The following RBFOX1 variants were observed in gnomAD, a reference collection of about 807,000 sequenced individuals.
RBFOX1 encodes RNA binding fox-1 homolog 1, also known as RNA binding protein fox-1 homolog 1.
RBFOX1 carries 8 observed loss-of-function variants against 57.7 expected under a neutral mutation model. The observed-to-expected ratio is 0.14, with a 90% CI of 0.08 to 0.25. The LOEUF is 0.25. Ranked by LOEUF, RBFOX1 falls within the 10% of genes least tolerant of loss-of-function variation. The pLI is 1.00. For missense variants in RBFOX1, 611 were observed against 548.5 expected (o/e 1.11, Z -1.14); for synonymous variants, 326 against 222.4 (o/e 1.47, Z -4.15).
At chr16:5,479,309 A>G (rs1200188983) in intron 2 of RBFOX1, among the ~76,000 whole-genome samples, 3 of 152,324 alleles carry the variant, frequency 2.0e-5, no homozygotes, top group South Asian at 4.1e-4. Flanking sequence ...TGTCCCTAGA[A>G]CAAGGACTGT....
intron 3 of RBFOX1, among the ~76,000 whole-genome samples, chr16:5,798,880 C>T (rs911055542): frequency 1.5e-4 from 23 of 151,914 alleles, no homozygotes; most frequent in African/African-American, 5.6e-4. Flanking sequence ...CTCAGAGGTA[C>T]GGACTACTTG....
chr16:7,676,042 C>G (rs773967439), intron 13 of RBFOX1, among the ~76,000 whole-genome samples: 16 of 152,218 alleles, frequency 1.1e-4, no homozygotes, highest in Non-Finnish European at 2.4e-4. Context: ...GTACATACAA[C>G]TAAATGTTAA....
intron 3 of RBFOX1, among the ~76,000 whole-genome samples, chr16:5,665,376 A>G (rs1050301461): frequency 3.3e-5 from 5 of 151,260 alleles, no homozygotes; most frequent in Non-Finnish European, 7.4e-5. Flanking sequence ...ATCCTATCTT[A>G]TGGGCCTTCT....
At chr16:6,554,107 T>C (rs1319204250) in intron 2 of RBFOX1, among the ~76,000 whole-genome samples, 2 of 152,216 alleles carry the variant, frequency 1.3e-5, no homozygotes, top group East Asian at 1.9e-4. Context: ...AAAATGAAAA[T>C]AACAAAGTGT....
chr16:6,040,822 G>C (rs2095428855), intron 1 of RBFOX1, among the ~76,000 whole-genome samples: 1 of 152,008 alleles, frequency 6.6e-6, no homozygotes, highest in South Asian at 2.1e-4. Context: ...TCAAACTCCT[G>C]ACCTCAATTG....
intron 4 of RBFOX1, among the ~76,000 whole-genome samples, chr16:7,475,915 G>T (rs1439545012): frequency 6.6e-6 from 1 of 152,130 alleles, no homozygotes; most frequent in Non-Finnish European, 1.5e-5. Flanking sequence ...ATCATGTCTG[G>T]CAGTGTAGTA....
intron 3 of RBFOX1, among the ~76,000 whole-genome samples, chr16:6,692,555 T>G (rs142895717): frequency 6.6e-6 from 1 of 152,148 alleles, no homozygotes; most frequent in East Asian, 1.9e-4. Flanking sequence ...TCCACTTAAG[T>G]TGTTGATTCA....
chr16:6,637,061 T>A (rs1261652807), intron 2 of RBFOX1, among the ~76,000 whole-genome samples: 5 of 100,962 alleles, frequency 5.0e-5, no homozygotes, highest in Non-Finnish European at 7.2e-5. Context: ...CATATTTATA[T>A]GTATAAATAT....
At chr16:6,866,146 T>C (rs888516421) in intron 3 of RBFOX1, among the ~76,000 whole-genome samples, 6 of 152,170 alleles carry the variant, frequency 3.9e-5, no homozygotes, top group African/African-American at 9.7e-5. Context: ...CTATCTAATA[T>C]GCATTTTTCT....
At chr16:6,595,290 C>T (rs2097766330) in intron 2 of RBFOX1, among the ~76,000 whole-genome samples, 1 of 152,196 alleles carries the variant, frequency 6.6e-6, no homozygotes, top group Admixed American at 6.5e-5. Flanking sequence ...CTGGGTATGT[C>T]ATGTAAATTG....
intron 1 of RBFOX1, among the ~76,000 whole-genome samples, chr16:6,244,231 C>G (rs1226633917): frequency 6.6e-6 from 1 of 151,956 alleles, no homozygotes; most frequent in Non-Finnish European, 1.5e-5. Flanking sequence ...TTATATCCCT[C>G]CTTCCAGCAA....
intron 14 of RBFOX1, among the ~76,000 whole-genome samples, chr16:7,701,748 G>T (rs2080809901): frequency 6.6e-6 from 1 of 152,106 alleles, no homozygotes; most frequent in African/African-American, 2.4e-5. Context: ...AGTAACCACA[G>T]AGGAGTATTT....
chr16:5,811,143 A>ATTTTTT (rs374827330), intron 3 of RBFOX1, among the ~76,000 whole-genome samples: 21 of 104,564 alleles, frequency 2.0e-4, no homozygotes, highest in African/African-American at 4.3e-4. Flanking sequence ...TATGGAACAA[A>ATTTTTT]TTTTTTTTTT....
At chr16:6,842,979 T>A (rs1199450913) in intron 3 of RBFOX1, among the ~76,000 whole-genome samples, 1 of 152,176 alleles carries the variant, frequency 6.6e-6, no homozygotes, top group Admixed American at 6.5e-5. Flanking sequence ...GGTTCATCCA[T>A]GTCCTTGCAA....
chr16:5,364,723 T>G (rs1204408750), intron 1 of RBFOX1, among the ~76,000 whole-genome samples: 4 of 152,190 alleles, frequency 2.6e-5, no homozygotes, highest in Non-Finnish European at 4.4e-5. Flanking sequence ...AAACAGTGAA[T>G]AGAACAAAGG....
rs1462166758 is a variant in RBFOX1, at chr16:6,594,212, A to G, written c.-63-60391A>G. 2.6e-5 allele frequency among the ~76,000 whole-genome samples: 4 copies of G among 152,186 alleles called. No individual in the cohort carries two copies. The East Asian group carries it at 7.7e-4, about 29-fold the overall frequency. On this transcript the variant is annotated intron_variant, in intron 2 of 15. Transcript: ENST00000550418. ...GTGAAGTGCCCAGGAAGGTGCTTCC[A>G]GCAAATAATGCTGAATGTTGGTGAC...
chr16:6,696,121 A>G (rs535335332), intron 3 of RBFOX1, among the ~76,000 whole-genome samples: 3 of 152,346 alleles, frequency 2.0e-5, no homozygotes, highest in East Asian at 3.9e-4. Context: ...GGAGCTCATT[A>G]CTAAATGGAT....
At chr16:6,882,555 C>T (rs901799867) in intron 3 of RBFOX1, among the ~76,000 whole-genome samples, 2 of 152,012 alleles carry the variant, frequency 1.3e-5, no homozygotes, top group African/African-American at 4.8e-5. Context: ...GAGATCGCAC[C>T]ACTGCACTGC....
chr16:5,790,755 C>A (rs906457312), intron 3 of RBFOX1, among the ~76,000 whole-genome samples: 7 of 152,142 alleles, frequency 4.6e-5, no homozygotes, highest in African/African-American at 1.7e-4. Flanking sequence ...GCGTGCTCTG[C>A]ATCACTTCGT....
Sources: allele counts gnomAD v4.1 joint callset (sites outside exome capture counted in the v4.1 genomes callset), GRCh38; gene constraint gnomAD v4.1.1; transcripts MANE v1.5; gene names NCBI Gene and HGNC (gene_info 2026-07-23, HGNC 2026-07-21).